The following FIGN variants were observed in gnomAD, a reference collection of about 807,000 sequenced individuals.
The protein encoded by FIGN is fidgetin, microtubule severing factor, also known as fidgetin.
FIGN carries 11 observed loss-of-function variants against 51.3 expected under a neutral mutation model. The observed-to-expected ratio is 0.21, with a 90% CI of 0.13 to 0.35. FIGN has a LOEUF of 0.35. FIGN is among the 10% of genes least tolerant of loss of function. The pLI, the probability that FIGN is intolerant of heterozygous loss-of-function variation, is 1.00. For missense variants in FIGN, 857 were observed against 943.6 expected (o/e 0.91, Z 1.20); for synonymous variants, 407 against 363.2 (o/e 1.12, Z -1.37).
intron 2 of FIGN, among the ~76,000 whole-genome samples, chr2:163,679,366 G>A (rs1011874858): frequency 5.3e-5 from 8 of 152,048 alleles, no homozygotes; most frequent in Non-Finnish European, 1.5e-5. Context: ...CATGGTGGCG[G>A]GCGCCTGTAT....
intron 2 of FIGN, among the ~76,000 whole-genome samples, chr2:163,648,665 T>C (rs1233649752): frequency 6.6e-6 from 1 of 152,182 alleles, no homozygotes; most frequent in Non-Finnish European, 1.5e-5. Context: ...CTAATGGCAA[T>C]ACATACATTT....
At chr2:163,678,402 G>A (rs1684007614) in intron 2 of FIGN, among the ~76,000 whole-genome samples, 1 of 151,986 alleles carries the variant, frequency 6.6e-6, no homozygotes, top group African/African-American at 2.4e-5. Flanking sequence ...TGTATTTTTA[G>A]TAGAGACGGG....
intron 2 of FIGN, among the ~76,000 whole-genome samples, chr2:163,724,884 C>T (rs1483069906): frequency 6.6e-6 from 1 of 152,092 alleles, no homozygotes; most frequent in African/African-American, 2.4e-5. Flanking sequence ...TAAAATAGTG[C>T]TACATGCTAT....
At chr2:163,708,996 T>C (rs1684545255) in intron 2 of FIGN, among the ~76,000 whole-genome samples, 1 of 152,164 alleles carries the variant, frequency 6.6e-6, no homozygotes, top group Non-Finnish European at 1.5e-5. Context: ...AAATAGATTC[T>C]TCCTGAAGAG....
At chr2:163,732,531 C>A (rs1033168368) in intron 2 of FIGN, among the ~76,000 whole-genome samples, 1 of 152,110 alleles carries the variant, frequency 6.6e-6, no homozygotes, top group Non-Finnish European at 1.5e-5. Context: ...AACGTCCATT[C>A]CATGTGCACC....
chr2:163,610,458 G>A lies in FIGN; in HGVS notation c.1374C>T (p.Asp458=), dbSNP rs769689570. Residue 458 remains aspartate (D), a synonymous_variant, in exon 3 of 3, where the codon GAC becomes GAT. Transcript: ENST00000333129. ...RAATSSNHSV[D]EQLKNTDTHL... ...GCGTGTCAGTATTCTTCAGTTGCTCGTCCACAGAGTGGTTGGATGAGGTAG... is the reference window on the plus strand; with the variant it reads ...GCGTGTCAGTATTCTTCAGTTGCTCATCCACAGAGTGGTTGGATGAGGTAG... 2.5e-6 allele frequency: 4 copies of A among 1,614,016 alleles called. No homozygotes were observed. The highest frequency in any genetic ancestry group is 1.1e-5 in the South Asian group (1 of 91,080).
chr2:163,711,508 CA>C (rs1684587206), intron 2 of FIGN, among the ~76,000 whole-genome samples: 1 of 152,104 alleles, frequency 6.6e-6, no homozygotes, highest in Non-Finnish European at 1.5e-5. Flanking sequence ...CTCCTTTCCT[CA>C]AGAAATTAAA....
intron 2 of FIGN, among the ~76,000 whole-genome samples, chr2:163,638,920 T>C (rs1683266517): frequency 6.6e-6 from 1 of 152,076 alleles, no homozygotes; most frequent in African/African-American, 2.4e-5. Context: ...AAAAAAAACA[T>C]CTAATTTAAT....
chr2:163,609,793 A>T lies in FIGN; in HGVS notation c.2039T>A (p.Leu680Gln). Residue 680 changes from leucine to glutamine, a missense_variant, in exon 3 of 3, where the codon CTG (leucine) becomes CAG (glutamine). Leu to Gln is a moderately radical substitution (Grantham distance 113). Coordinates refer to ENST00000333129, the MANE Select transcript of FIGN (RefSeq NM_018086.4). ...AAAGCCTTCTGTGCGCTGGACGAGCAGTGCAAACTCCTTGTCATTGAGACA... is the reference window on the plus strand; with the variant it reads ...AAAGCCTTCTGTGCGCTGGACGAGCTGTGCAAACTCCTTGTCATTGAGACA... Reference protein sequence around the residue: ...NYCLNDKEFALLVQRTEGFSG... With the variant: ...NYCLNDKEFAQLVQRTEGFSG... The T allele has an allele frequency of 6.2e-7, 1 of 1,614,198 alleles. No homozygotes were observed. The highest frequency in any genetic ancestry group is 8.5e-7 in the Non-Finnish European group (1 of 1,180,034).
intron 2 of FIGN, among the ~76,000 whole-genome samples, chr2:163,700,811 T>G (rs1411736757): frequency 6.6e-6 from 1 of 152,150 alleles, no homozygotes. Context: ...TAGCTCTATC[T>G]TCTCACTGAA....
At chr2:163,690,100 G>T (rs1684216718) in intron 2 of FIGN, among the ~76,000 whole-genome samples, 1 of 152,088 alleles carries the variant, frequency 6.6e-6, no homozygotes, top group Non-Finnish European at 1.5e-5. Flanking sequence ...TGGTCAAATT[G>T]GGCCTATGAA....
chr2:163,628,142 A>G (rs1683084875), intron 2 of FIGN, among the ~76,000 whole-genome samples: 2 of 152,188 alleles, frequency 1.3e-5, no homozygotes, highest in Admixed American at 1.3e-4. Flanking sequence ...AATCTTGCCC[A>G]TAGTGCTAGG....
At chr2:163,635,699 G>A (rs1044381270) in intron 2 of FIGN, among the ~76,000 whole-genome samples, 2 of 152,126 alleles carry the variant, frequency 1.3e-5, no homozygotes, top group Admixed American at 6.5e-5. Flanking sequence ...TATTAACAGA[G>A]CGTATACCAT....
chr2:163,697,783 T>C (rs1684346739), intron 2 of FIGN, among the ~76,000 whole-genome samples: 1 of 152,184 alleles, frequency 6.6e-6, no homozygotes, highest in South Asian at 2.1e-4. Context: ...TAATAAGAGT[T>C]ATACCTTGAG....
intron 2 of FIGN, among the ~76,000 whole-genome samples, chr2:163,639,101 C>A (rs914315077): frequency 1.3e-5 from 2 of 151,976 alleles, no homozygotes; most frequent in Admixed American, 6.6e-5. Context: ...AATAATTTTA[C>A]ATAAGGTGGA....
At chr2:163,643,906 T>TAC in intron 2 of FIGN, among the ~76,000 whole-genome samples, 1 of 100,380 alleles carries the variant, frequency 1.0e-5, no homozygotes, top group Non-Finnish European at 1.8e-5. Flanking sequence ...CACTCCAGGC[T>TAC]GGGCAACAAG....
At chr2:163,648,852 G>A (rs1193830808) in intron 2 of FIGN, among the ~76,000 whole-genome samples, 1 of 152,118 alleles carries the variant, frequency 6.6e-6, no homozygotes, top group Non-Finnish European at 1.5e-5. Context: ...TTCTATTTAT[G>A]AAGAGGATGT....
chr2:163,633,171 G>A (rs886133136), intron 2 of FIGN, among the ~76,000 whole-genome samples: 2 of 152,018 alleles, frequency 1.3e-5, no homozygotes, highest in Non-Finnish European at 1.5e-5. Flanking sequence ...GCAACAGAAT[G>A]AGACCCAATC....
At chr2:163,729,048 T>C (rs1262665231) in intron 2 of FIGN, among the ~76,000 whole-genome samples, 7 of 152,194 alleles carry the variant, frequency 4.6e-5, no homozygotes, top group Non-Finnish European at 1.0e-4. Flanking sequence ...AAGAATAATA[T>C]TTCATCATGA....
Sources: allele counts gnomAD v4.1 joint callset (sites outside exome capture counted in the v4.1 genomes callset), GRCh38; gene constraint gnomAD v4.1.1; transcripts MANE v1.5; gene names NCBI Gene and HGNC (gene_info 2026-07-23, HGNC 2026-07-21).